Variants in KCNIP4 observed in about 807,000 individuals in gnomAD.
KCNIP4 encodes the protein Kv channel-interacting protein 4.
A neutral mutation model predicts 34.0 loss-of-function variants in KCNIP4; 12 were observed. That is an observed-to-expected ratio of 0.35 (90% CI 0.23 to 0.57). The LOEUF is 0.57. KCNIP4 is among the 20% of genes least tolerant of loss of function. The pLI is 0.83. For missense variants in KCNIP4, 238 were observed against 311.7 expected (o/e 0.76, Z 1.78); for synonymous variants, 124 against 102.2 (o/e 1.21, Z -1.29).
chr4:21,779,719 A>T (rs983088117), intron 1 of KCNIP4, among the ~76,000 whole-genome samples: 11 of 152,226 alleles, frequency 7.2e-5, no homozygotes, highest in Middle Eastern at 3.4e-3. Flanking sequence ...CCTGGGTGAC[A>T]CAGCAAGATC....
At chr4:21,690,492 A>G (rs904585273) in intron 1 of KCNIP4, among the ~76,000 whole-genome samples, 2 of 152,074 alleles carry the variant, frequency 1.3e-5, no homozygotes, top group African/African-American at 4.8e-5. Context: ...GATTGTTAAA[A>G]AGAATCTGGG....
intron 1 of KCNIP4, among the ~76,000 whole-genome samples, chr4:21,686,606 C>A (rs1025156824): frequency 6.6e-6 from 1 of 152,028 alleles, no homozygotes; most frequent in African/African-American, 2.4e-5. Flanking sequence ...AATAAATGAG[C>A]AAATATACAG....
At chr4:21,054,754 C>T (rs1743261396) in intron 1 of KCNIP4, among the ~76,000 whole-genome samples, 1 of 145,750 alleles carries the variant, frequency 6.9e-6, no homozygotes. Flanking sequence ...TTATACTCTT[C>T]ACAAAATTAA....
At chr4:21,710,082 C>T (rs1560651185) in intron 1 of KCNIP4, among the ~76,000 whole-genome samples, 2 of 152,176 alleles carry the variant, frequency 1.3e-5, no homozygotes, top group Non-Finnish European at 2.9e-5. Flanking sequence ...GTCATTCTTC[C>T]CAAATTATAT....
intron 1 of KCNIP4, among the ~76,000 whole-genome samples, chr4:21,463,093 T>C (rs1729615486): frequency 6.6e-6 from 1 of 152,052 alleles, no homozygotes; most frequent in Non-Finnish European, 1.5e-5. Context: ...AATCTCCATA[T>C]TGTTTTTCAT....
At chr4:21,786,581 T>C (rs1243024347) in intron 1 of KCNIP4, among the ~76,000 whole-genome samples, 1 of 151,548 alleles carries the variant, frequency 6.6e-6, no homozygotes, top group African/African-American at 2.4e-5. Context: ...TCTTTTTTTT[T>C]TTTTGAGATG....
chr4:20,983,408 C>T (rs1641059290), intron 1 of KCNIP4, among the ~76,000 whole-genome samples: 1 of 152,188 alleles, frequency 6.6e-6, no homozygotes, highest in South Asian at 2.1e-4. Context: ...TAATGAGGGA[C>T]ACACAGATAT....
At chr4:21,452,680 GTACTATTA>G (rs1728605883) in intron 1 of KCNIP4, among the ~76,000 whole-genome samples, 2 of 150,790 alleles carry the variant, frequency 1.3e-5, no homozygotes, top group South Asian at 4.2e-4. Context: ...ATTATTAGTA[GTACTATTA>G]TACTATTATT....
At chr4:21,672,656 A>T (rs963727079) in intron 1 of KCNIP4, among the ~76,000 whole-genome samples, 1 of 152,256 alleles carries the variant, frequency 6.6e-6, no homozygotes, top group Non-Finnish European at 1.5e-5. Context: ...AGGAAGGCTC[A>T]GGTGACGATT....
At chr4:20,771,447 C>T (rs965842625) in intron 3 of KCNIP4, among the ~76,000 whole-genome samples, 1 of 152,130 alleles carries the variant, frequency 6.6e-6, no homozygotes, top group African/African-American at 2.4e-5. Flanking sequence ...TAAGCTACAA[C>T]CTTCTTGTCC....
At chr4:21,588,665 T>TA (rs11373136) in intron 1 of KCNIP4, among the ~76,000 whole-genome samples, 10,236 of 151,888 alleles carry the variant, frequency 0.067, 510 homozygotes, top group African/African-American at 0.13. Context: ...AGAGGTACTC[T>TA]AAAAAAATTA....
intron 1 of KCNIP4, among the ~76,000 whole-genome samples, chr4:21,607,200 T>C (rs779941671): frequency 6.6e-6 from 1 of 152,078 alleles, no homozygotes; most frequent in African/African-American, 2.4e-5. Context: ...ACTATGCAAC[T>C]CTGGACTAAT....
chr4:21,177,238 CTA>C (rs1339014208), intron 1 of KCNIP4, among the ~76,000 whole-genome samples: 1 of 152,022 alleles, frequency 6.6e-6, no homozygotes, highest in Non-Finnish European at 1.5e-5. Flanking sequence ...AAGAGATTTG[CTA>C]TATACTCAAG....
intron 1 of KCNIP4, among the ~76,000 whole-genome samples, chr4:21,204,106 G>A (rs1756683147): frequency 6.6e-6 from 1 of 152,142 alleles, no homozygotes; most frequent in African/African-American, 2.4e-5. Flanking sequence ...CTAGTGGGCA[G>A]GAATCCCTTT....
chr4:20,881,693 C>T (rs1322493406), intron 2 of KCNIP4, among the ~76,000 whole-genome samples: 1 of 152,170 alleles, frequency 6.6e-6, no homozygotes, highest in African/African-American at 2.4e-5. Context: ...GATGGTTAAC[C>T]TCACTTGTCA....
At chr4:21,210,389 C>T (rs1757136260) in intron 1 of KCNIP4, among the ~76,000 whole-genome samples, 1 of 152,120 alleles carries the variant, frequency 6.6e-6, no homozygotes, top group Non-Finnish European at 1.5e-5. Context: ...AAATAGCATG[C>T]TGATTAAAAA....
chr4:20,740,878 C>G (rs1055553860), intron 5 of KCNIP4, among the ~76,000 whole-genome samples: 7 of 152,020 alleles, frequency 4.6e-5, no homozygotes, highest in Non-Finnish European at 8.8e-5. Flanking sequence ...GGAGGAAGAT[C>G]TACCAAGCAA....
intron 1 of KCNIP4, among the ~76,000 whole-genome samples, chr4:21,304,242 G>A (rs1000064091): frequency 6.6e-6 from 1 of 152,126 alleles, no homozygotes; most frequent in African/African-American, 2.4e-5. Flanking sequence ...AGTAGCAGCC[G>A]GATAAAGTCG....
At chr4:21,038,463 CTG>C (rs1477115272) in intron 1 of KCNIP4, among the ~76,000 whole-genome samples, 2 of 152,146 alleles carry the variant, frequency 1.3e-5, no homozygotes, top group Non-Finnish European at 2.9e-5. Context: ...TCTCATGAGG[CTG>C]TGACTGGTAG....
Sources: gnomAD v4.1 joint callset for allele counts (sites outside exome capture counted in the v4.1 genomes callset) on GRCh38, gnomAD v4.1.1 for gene constraint, MANE v1.5 for transcripts, NCBI Gene and HGNC (gene_info 2026-07-23, HGNC 2026-07-21) for gene names.